The following SMC6 variants were observed in gnomAD, a reference collection of about 807,000 sequenced individuals.
The protein encoded by SMC6 is structural maintenance of chromosomes 6, also known as structural maintenance of chromosomes protein 6.
In SMC6, 79 loss-of-function variants were observed where a neutral mutation model predicts 142.2. That is an observed-to-expected ratio of 0.56 (90% CI 0.46 to 0.67). The LOEUF is 0.67. Among genes scored for constraint, SMC6 ranks in the 30% least tolerant of loss-of-function variants. SMC6 has a pLI of 0.00. For synonymous variants in SMC6, 411 were observed against 412.4 expected (o/e 1.00, Z 0.04); for missense variants, 1,072 against 1,284.0 (o/e 0.83, Z 2.52).
intron 3 of SMC6, among the ~76,000 whole-genome samples, chr2:17,743,825 T>C (rs1023114530): frequency 1.1e-4 from 17 of 152,320 alleles, no homozygotes; most frequent in Admixed American, 1.1e-3. Flanking sequence ...GAACGTCATA[T>C]AGTTGGAATC....
chr2:17,664,602 C>T lies in SMC6; in HGVS notation c.*897G>A, dbSNP rs1004715340. On this transcript the variant is annotated 3_prime_UTR_variant, in exon 28 of 28. Coordinates refer to ENST00000448223, the MANE Select transcript of SMC6 (RefSeq NM_001142286.2). ...AAAAGTTCATAAATATCATTTTTTA[C>T]AATAACTATATTTGGTCATTCTAAG... The T allele has an allele frequency of 4.6e-5, 7 of 152,154 alleles. No homozygotes were observed. The highest frequency in any genetic ancestry group is 1.4e-4 in the African/African-American group (6 of 41,438). The allele number at this position is 152,154 out of a possible 1,614,324, so 9.4% of individuals were successfully genotyped here. A position where few individuals can be genotyped will look rare whatever the true frequency, so the allele number is the denominator to read the frequency against.
At chr2:17,678,789 AC>A (rs1667114276) in intron 25 of SMC6, 69 bp downstream of exon 25, 2 of 1,217,018 alleles carry the variant, frequency 1.6e-6, no homozygotes, top group East Asian at 4.8e-5. Flanking sequence ...AAAAAACCCA[AC>A]AAAAATAGAA....
chr2:17,744,711 GTTT>G (rs1401755821), intron 3 of SMC6, among the ~76,000 whole-genome samples: 2 of 152,136 alleles, frequency 1.3e-5, no homozygotes, highest in African/African-American at 4.8e-5. Context: ...TTAGCTGTCA[GTTT>G]TTTTGTGAGT....
At chr2:17,666,605 G>A in intron 26 of SMC6, 88 bp from the exon 27 acceptor site, 1 of 898,214 alleles carries the variant, frequency 1.1e-6, no homozygotes, top group East Asian at 2.5e-5. Context: ...ACAAGCTCCT[G>A]GATTTTCATC....
At chr2:17,695,915 G>T (rs1029350558) in intron 22 of SMC6, among the ~76,000 whole-genome samples, 1 of 152,132 alleles carries the variant, frequency 6.6e-6, no homozygotes, top group African/African-American at 2.4e-5. Context: ...CAATAGACAT[G>T]TCTCGTAGGA....
intron 23 of SMC6, among the ~76,000 whole-genome samples, chr2:17,688,315 TA>T (rs36077684): frequency 0.049 from 6,406 of 130,090 alleles, 172 homozygotes; most frequent in South Asian, 0.075. Context: ...AAAATGCTAT[TA>T]AAAAAAAAAA....
At chr2:17,685,006 C>T (rs896389881) in intron 23 of SMC6, among the ~76,000 whole-genome samples, 2 of 151,264 alleles carry the variant, frequency 1.3e-5, no homozygotes, top group Admixed American at 6.6e-5. Flanking sequence ...GGGCTAGAAC[C>T]TCCTCCTAAA....
At chr2:17,721,987 A>T (rs2125016276) in intron 9 of SMC6, among the ~76,000 whole-genome samples, 1 of 152,304 alleles carries the variant, frequency 6.6e-6, no homozygotes, top group African/African-American at 2.4e-5. Flanking sequence ...TATGGACTTC[A>T]TATTCTGTCC....
At chr2:17,685,555 T>C (rs983278556) in intron 23 of SMC6, among the ~76,000 whole-genome samples, 4 of 152,132 alleles carry the variant, frequency 2.6e-5, no homozygotes, top group African/African-American at 9.7e-5. Flanking sequence ...TGCATAGTCA[T>C]GTGGAAAAAG....
chr2:17,743,774 C>G (rs1670594765), intron 3 of SMC6, among the ~76,000 whole-genome samples: 1 of 152,156 alleles, frequency 6.6e-6, no homozygotes, highest in Non-Finnish European at 1.5e-5. Context: ...CCCTAGCAAC[C>G]AACCACTGAT....
intron 23 of SMC6, among the ~76,000 whole-genome samples, chr2:17,692,172 C>T (rs1450476427): frequency 6.6e-6 from 1 of 152,138 alleles, no homozygotes; most frequent in Non-Finnish European, 1.5e-5. Context: ...ATCAAGCTAC[C>T]AATGACTTTC....
At chr2:17,675,718 T>C (rs1317132883) in intron 25 of SMC6, among the ~76,000 whole-genome samples, 1 of 152,128 alleles carries the variant, frequency 6.6e-6, no homozygotes, top group African/African-American at 2.4e-5. Context: ...ACTCTGCCTT[T>C]GGTTTTATTG....
chr2:17,699,311 G>A (rs1668158029), intron 21 of SMC6, among the ~76,000 whole-genome samples: 1 of 152,074 alleles, frequency 6.6e-6, no homozygotes, highest in Non-Finnish European at 1.5e-5. Context: ...GGTTTCTGAT[G>A]AGAAATATGC....
chr2:17,714,657 C>T (rs1668992099), intron 16 of SMC6, among the ~76,000 whole-genome samples: 1 of 152,148 alleles, frequency 6.6e-6, no homozygotes, highest in Non-Finnish European at 1.5e-5. Context: ...ATGTCTCCCA[C>T]ATATAAGAAC....
At chr2:17,705,981 C>T (rs928813134) in intron 18 of SMC6, among the ~76,000 whole-genome samples, 2 of 152,122 alleles carry the variant, frequency 1.3e-5, no homozygotes, top group Non-Finnish European at 2.9e-5. Flanking sequence ...GCACTGATCA[C>T]CACCTAACCT....
At chr2:17,721,302 G>A in intron 9 of SMC6, 41 bp from the exon 10 acceptor site, 1 of 1,506,512 alleles carries the variant, frequency 6.6e-7, no homozygotes, top group South Asian at 1.4e-5. Context: ...TTTTATTAAT[G>A]TTGAAAAAAC....
intron 16 of SMC6, among the ~76,000 whole-genome samples, chr2:17,711,465 G>C (rs1254086627): frequency 6.6e-6 from 1 of 152,006 alleles, no homozygotes; most frequent in Non-Finnish European, 1.5e-5. Flanking sequence ...AAGTATAATA[G>C]GCCTCACTGG....
intron 12 of SMC6, among the ~76,000 whole-genome samples, chr2:17,717,400 T>C (rs185610838): frequency 6.6e-6 from 1 of 152,298 alleles, no homozygotes; most frequent in East Asian, 1.9e-4. Flanking sequence ...GGCCAGGTGC[T>C]GTGGCTCACG....
chr2:17,707,811 G>C (rs537749128), intron 17 of SMC6, among the ~76,000 whole-genome samples: 1 of 152,022 alleles, frequency 6.6e-6, no homozygotes, highest in East Asian at 1.9e-4. Flanking sequence ...GAAATATGTA[G>C]GGAAAGTCTG....
Sources: gnomAD v4.1 joint callset for allele counts (sites outside exome capture counted in the v4.1 genomes callset) on GRCh38, gnomAD v4.1.1 for gene constraint, MANE v1.5 for transcripts, NCBI Gene and HGNC (gene_info 2026-07-23, HGNC 2026-07-21) for gene names.